Variants in RRBP1 observed in about 807,000 individuals in gnomAD.
RRBP1 encodes the protein ribosome binding protein 1.
In RRBP1, 94 loss-of-function variants were observed where a neutral mutation model predicts 165.2. The ratio of observed to expected loss-of-function variants is 0.57; its 90% CI spans 0.48 to 0.68. The LOEUF is 0.68. RRBP1 is among the 30% of genes least tolerant of loss of function. The probability of loss-of-function intolerance (pLI) is 0.00; values close to 1 mark genes in which losing one functional copy is unlikely to be tolerated. For missense variants in RRBP1, 1,676 were observed against 1,763.0 expected (o/e 0.95, Z 0.88); for synonymous variants, 680 against 714.5 (o/e 0.95, Z 0.77).
chr20:17,648,898 T>C (rs1264674336), intron 3 of RRBP1, among the ~76,000 whole-genome samples: 1 of 152,174 alleles, frequency 6.6e-6, no homozygotes, highest in African/African-American at 2.4e-5. Context: ...ATTAGGACTC[T>C]ACCTAATGCC....
chr20:17,660,554 A>G (rs1311610376), intron 2 of RRBP1, 26 bp from the exon 3 acceptor site: 2 of 1,401,740 alleles, frequency 1.4e-6, no homozygotes, highest in Non-Finnish European at 2.0e-6. Flanking sequence ...GGAGGTTACT[A>G]TTTATAGAAA....
intron 13 of RRBP1, among the ~76,000 whole-genome samples, chr20:17,624,352 CTGTGTCTGTCCTAGTGCCT>C (rs1568756674): frequency 2.0e-5 from 3 of 152,162 alleles, no homozygotes; most frequent in Non-Finnish European, 4.4e-5. Flanking sequence ...CCTAGTGCCT[CTGTGTCTGTCCTAGTGCCT>C]CTGTGTGTCC....
In RRBP1 at chr20:17,641,857, C is replaced by A. The variant is rs1196112990; in HGVS notation, c.2124G>T (p.Leu708=). The part of the protein sequence containing the change: ...LKRQLEEKEK[L]LATEQEDAAV... ...CCGCATCTTCCTGTTCTGTGGCCAG[C>A]AGTTTTTCCTTCTCTTCCAGCTGGC... Residue 708 remains leucine (L), a synonymous_variant, in exon 5 of 25, where the codon CTG becomes CTT. Coordinates refer to ENST00000377813, the MANE Select transcript of RRBP1 (RefSeq NM_001365613.2). The A allele has an allele frequency of 1.5e-5, 25 of 1,613,974 alleles. No individual in the cohort carries two copies. Among genetic ancestry groups the A allele is most frequent in the Non-Finnish European group, 2.0e-5 (24 of 1,180,016 alleles).
intron 3 of RRBP1, among the ~76,000 whole-genome samples, chr20:17,645,402 C>T (rs537529039): frequency 1.8e-4 from 27 of 152,342 alleles, no homozygotes; most frequent in African/African-American, 4.3e-4. Flanking sequence ...GCGAAACAAA[C>T]GCAAAGCTGC....
At position 17,659,255 on chromosome 20, in the gene RRBP1, T is replaced by C. The variant is rs1373058616; in HGVS notation, c.1253A>G (p.Gln418Arg). ...QGKKAEGAQN[Q>R]GKKAEGAQNQ... ...CTGGGCCCCCTCGGCCTTTTTGCCC[T>C]GATTCTGGGCCCCCTCGGCCTTTTT... Residue 418 changes from glutamine to arginine, a missense_variant, in exon 3 of 25, where the codon CAG becomes CGG. Transcript: ENST00000377813. 1 of 1,545,712 alleles carries C rather than the reference T, an allele frequency of 6.5e-7. No individual in the cohort carries two copies. The highest frequency in any genetic ancestry group is 8.7e-7 in the Non-Finnish European group (1 of 1,144,798).
intron 9 of RRBP1, among the ~76,000 whole-genome samples, chr20:17,628,447 C>A (rs1226221644): frequency 2.0e-5 from 3 of 152,210 alleles, no homozygotes; most frequent in Non-Finnish European, 4.4e-5. Context: ...TGCCTTGGGC[C>A]TCAGCAACTG....
At chr20:17,616,033 C>T in intron 21 of RRBP1, 24 bp from the exon 22 acceptor site, 1 of 1,594,908 alleles carries the variant, frequency 6.3e-7, no homozygotes, top group Admixed American at 1.7e-5. Flanking sequence ...GCAAACATAA[C>T]CCGGCAGCCC....
Position 17,643,209 on chromosome 20 carries a change from G to C in RRBP1, c.1913-82C>G, listed in dbSNP as rs1174159957. On this transcript the variant is annotated intron_variant, in intron 3 of 24. Transcript: ENST00000377813. This position sits in a 1 kb window ranked among gnomAD's most constrained non-coding sequence, Gnocchi z 4.3. ...GCCACAATGCCCATCACACCAAGAA[G>C]GTTCTGGTCACAGCCACGAAGAGCT... 1 of 1,462,382 alleles carries C rather than the reference G, an allele frequency of 6.8e-7. No individual in the cohort carries two copies. The highest frequency in any genetic ancestry group is 1.4e-5 in the African/African-American group (1 of 71,816). 90.6% of individuals were successfully genotyped at this position (1,462,382 alleles called of 1,614,324 possible).
At chr20:17,623,880 T>C (rs1270273660) in intron 13 of RRBP1, among the ~76,000 whole-genome samples, 1 of 150,780 alleles carries the variant, frequency 6.6e-6, no homozygotes, top group East Asian at 2.0e-4. Context: ...TGGAGTGACC[T>C]GAGATCACGC....
chr20:17,648,666 G>A (rs1323634752), intron 3 of RRBP1, among the ~76,000 whole-genome samples: 2 of 152,180 alleles, frequency 1.3e-5, no homozygotes, highest in African/African-American at 4.8e-5. Context: ...ATATTTAATG[G>A]TATCTAATGG....
chr20:17,660,674 G>C, intron 2 of RRBP1, 146 bp from the exon 3 acceptor site: 1 of 611,130 alleles, frequency 1.6e-6, no homozygotes, highest in Non-Finnish European at 2.9e-6. Flanking sequence ...GGCACTCTCT[G>C]ATGTCCCACA....
intron 5 of RRBP1, among the ~76,000 whole-genome samples, chr20:17,640,363 C>T (rs1375036706): frequency 6.6e-6 from 1 of 152,196 alleles, no homozygotes; most frequent in African/African-American, 2.4e-5. Context: ...AAGAGGAGAG[C>T]CCCAGAGGAG....
chr20:17,630,683 C>T (rs983389182), intron 8 of RRBP1, among the ~76,000 whole-genome samples: 1 of 152,212 alleles, frequency 6.6e-6, no homozygotes, highest in Non-Finnish European at 1.5e-5. Flanking sequence ...TTCCCACACA[C>T]TGGGGCAGAA....
rs1348168358 is a variant in RRBP1 at position 17,659,555 on chromosome 20, T to A, written c.953A>T (p.Gln318Leu). The stretch of plus-strand genomic sequence containing the variant: ...CTGGGCCCCCTCTCCCTTTTTGCCC[T>A]GATTCTGGGCCCCCTCTGCCTTTTT... ...QGKKAEGAQN[Q>L]GKKGEGAQNQ... Residue 318 changes from glutamine to leucine, a missense_variant, in exon 3 of 25, where the codon CAG (glutamine) becomes CTG (leucine). Physicochemically the swap from Gln to Leu is moderately radical, Grantham distance 113. Around this residue, in one of 5 missense-constraint regions of RRBP1, gnomAD observed 78 missense variants for 115.6 expected, o/e 0.67. Transcript: ENST00000377813. 6.5e-7 allele frequency: 1 copy of A among 1,549,662 alleles called. No individual in the cohort carries two copies. Among genetic ancestry groups the A allele is most frequent in the South Asian group, 1.2e-5 (1 of 84,018 alleles).
intron 13 of RRBP1, 111 bp from the exon 14 acceptor site, chr20:17,622,058 C>G: frequency 1.3e-6 from 1 of 772,642 alleles, no homozygotes; most frequent in Non-Finnish European, 2.2e-6. Flanking sequence ...GGCACATCCT[C>G]AGCTCTTCAG....
intron 2 of RRBP1, among the ~76,000 whole-genome samples, chr20:17,669,805 A>C (rs2036942567): frequency 1.3e-5 from 2 of 152,182 alleles, no homozygotes; most frequent in Non-Finnish European, 2.9e-5. Flanking sequence ...TTTTTCCCCC[A>C]CAGCAACTTG....
intron 19 of RRBP1, 23 bp from the exon 20 acceptor site, chr20:17,618,702 G>T (rs1232062448): frequency 3.2e-6 from 5 of 1,585,484 alleles, no homozygotes; most frequent in Non-Finnish European, 4.3e-6. Flanking sequence ...ACAGAGGCGG[G>T]TGATGGGAAA....
chr20:17,613,903 C>T lies in RRBP1; in HGVS notation c.*279G>A, dbSNP rs895980887. ...GAGCGCCCGGCCTCCCACACACCCA[C>T]GGGGCTGTCAGAGTCAACCAGGGCT... On this transcript the variant is annotated 3_prime_UTR_variant, in exon 25 of 25. Coordinates refer to ENST00000377813, the MANE Select transcript of RRBP1 (RefSeq NM_001365613.2). The T allele has an allele frequency of 4.7e-6, 2 of 423,884 alleles. No individual in the cohort carries two copies. Among genetic ancestry groups the T allele is most frequent in the Non-Finnish European group, 4.3e-6 (1 of 232,998 alleles). 26.3% of individuals were successfully genotyped at this position (423,884 alleles called of 1,614,324 possible).
chr20:17,662,623 C>G (rs995242420), intron 2 of RRBP1, among the ~76,000 whole-genome samples: 1 of 152,198 alleles, frequency 6.6e-6, no homozygotes, highest in African/African-American at 2.4e-5. Flanking sequence ...AGGGCACTCT[C>G]ACGTTTGATC....
Sources: allele counts gnomAD v4.1 joint callset (sites outside exome capture counted in the v4.1 genomes callset), GRCh38; gene constraint gnomAD v4.1.1; regional missense constraint gnomAD v4.1.1; non-coding constraint Gnocchi (gnomAD v3.1); transcripts MANE v1.5; gene names NCBI Gene and HGNC (gene_info 2026-07-23, HGNC 2026-07-21).